The following REEP1 variants were observed in gnomAD, a reference collection of about 807,000 sequenced individuals.
The protein encoded by REEP1 is receptor accessory protein 1.
Under a neutral mutation model 40.3 loss-of-function variants are expected in REEP1, and 22 were observed. That is an observed-to-expected ratio of 0.55 (90% confidence interval 0.39 to 0.78). REEP1 has a LOEUF of 0.78. REEP1 is among the 30% of genes least tolerant of loss of function. REEP1 has a pLI of 0.00. For synonymous variants in REEP1, 116 were observed against 139.2 expected, an observed-to-expected ratio of 0.83 and a Z score of 1.17; for missense variants, 280 against 361.1, an observed-to-expected ratio of 0.78 and a Z score of 1.82.
intron 1 of REEP1, among the ~76,000 whole-genome samples, chr2:86,329,818 A>T (rs769012732): frequency 6.6e-6 from 1 of 152,182 alleles, no homozygotes; most frequent in Non-Finnish European, 1.5e-5. Flanking sequence ...CCTACTGCAT[A>T]TGAGAAACTA....
chr2:86,269,467 C>T (rs988885053), intron 2 of REEP1, among the ~76,000 whole-genome samples: 5 of 152,138 alleles, frequency 3.3e-5, no homozygotes, highest in Admixed American at 6.6e-5. Context: ...TATTTTACTT[C>T]GGTTTGACAA....
intron 4 of REEP1, among the ~76,000 whole-genome samples, chr2:86,252,566 A>T (rs1377679014): frequency 6.6e-6 from 1 of 152,266 alleles, no homozygotes. Context: ...TGAGGATTAA[A>T]TGAGGTAATT....
intron 5 of REEP1, among the ~76,000 whole-genome samples, chr2:86,233,728 G>A (rs571628776): frequency 2.0e-5 from 3 of 152,150 alleles, no homozygotes; most frequent in Non-Finnish European, 2.9e-5. Flanking sequence ...TTTGGAGCAA[G>A]AAGTGACAGG....
Position 86,254,818 on chromosome 2 carries a change from G to A in REEP1, c.183-4C>T. ...TAGTTCATAATAGAATGGAAACCTGGAGAGAGAGATGAAAACACAAGTTCT... is the reference window on the plus strand; with the variant it reads ...TAGTTCATAATAGAATGGAAACCTGAAGAGAGAGATGAAAACACAAGTTCT... On this transcript the variant is annotated splice_region_variant and splice_polypyrimidine_tract_variant and intron_variant, in intron 3 of 8. Coordinates refer to ENST00000538924, the MANE Select transcript of REEP1 (RefSeq NM_001371279.1). The A allele has an allele frequency of 1.9e-6, 3 of 1,613,750 alleles. No homozygotes were observed. The highest frequency in any genetic ancestry group is 2.5e-6 in the Non-Finnish European group (3 of 1,179,844).
At chr2:86,220,935 T>C (rs377612349) in intron 7 of REEP1, among the ~76,000 whole-genome samples, 1 of 152,226 alleles carries the variant, frequency 6.6e-6, no homozygotes, top group Non-Finnish European at 1.5e-5. Context: ...CGGTTCTTAG[T>C]TGAGATGTAA....
chr2:86,216,815 AC>A lies in REEP1; in HGVS notation c.*223del. The A allele has an allele frequency of 1.9e-6, 1 of 521,574 alleles. No homozygotes were observed. The highest frequency in any genetic ancestry group is 3.5e-6 in the Non-Finnish European group (1 of 288,986). The allele number at this position is 521,574 out of a possible 1,614,324, so 32.3% of individuals were successfully genotyped here. ...AACCTCAGAAGACTTAAAGGTCACC[AC>A]CCCCGCCCCTACTACCTTTCCCTTT... On this transcript the variant is annotated 3_prime_UTR_variant, in exon 9 of 9. Coordinates refer to ENST00000538924, the MANE Select transcript of REEP1 (RefSeq NM_001371279.1).
At chr2:86,221,729 C>A (rs1257412680) in intron 7 of REEP1, among the ~76,000 whole-genome samples, 1 of 152,196 alleles carries the variant, frequency 6.6e-6, no homozygotes, top group Non-Finnish European at 1.5e-5. Flanking sequence ...GCTGGGCACA[C>A]AGTGGCCACT....
intron 1 of REEP1, among the ~76,000 whole-genome samples, chr2:86,327,170 A>G (rs150309469): frequency 3.6e-4 from 54 of 151,968 alleles, no homozygotes; most frequent in African/African-American, 1.3e-3. Context: ...TCAACACTTT[A>G]TTTTTTACTT....
intron 1 of REEP1, among the ~76,000 whole-genome samples, chr2:86,330,663 C>A (rs567486243): frequency 2.0e-5 from 3 of 151,996 alleles, no homozygotes; most frequent in Admixed American, 6.6e-5. Flanking sequence ...CCAGGCTGGT[C>A]TCAAATTCCT....
At chr2:86,249,453 A>G (rs1676151379) in intron 5 of REEP1, among the ~76,000 whole-genome samples, 1 of 152,080 alleles carries the variant, frequency 6.6e-6, no homozygotes. Context: ...ACTGAAATTA[A>G]CTGCTTTAAC....
At chr2:86,253,585 G>C (rs897873262) in intron 4 of REEP1, among the ~76,000 whole-genome samples, 1 of 152,156 alleles carries the variant, frequency 6.6e-6, no homozygotes, top group Admixed American at 6.5e-5. Context: ...CAGCTTCAGG[G>C]GAAGCCCAGC....
intron 7 of REEP1, among the ~76,000 whole-genome samples, chr2:86,224,094 C>T (rs1260826190): frequency 6.6e-6 from 1 of 152,176 alleles, no homozygotes; most frequent in Non-Finnish European, 1.5e-5. Context: ...AGCTCTGTCA[C>T]TGCCCTAAAA....
chr2:86,303,816 T>A (rs1679364688), intron 1 of REEP1, among the ~76,000 whole-genome samples: 1 of 151,916 alleles, frequency 6.6e-6, no homozygotes, highest in Non-Finnish European at 1.5e-5. Flanking sequence ...CCCAGAAACA[T>A]GAGAGAGCAT....
Position 86,254,732 on chromosome 2 carries a change from T to C in REEP1, c.265A>G (p.Arg89Gly). ...GATAGCGTGGGATGTACAAACTTCC[T>C]GTACAGGAGGCTGGAGCCTTTTGTG... ...PYTKGSSLLY[R>G]KFVHPTLSSK... The change falls in exon 4 of 9, where the codon AGG (arginine) becomes GGG (glycine). Residue 89 changes from arginine (R) to glycine (G), a missense_variant. Arg to Gly is a moderately radical substitution (Grantham distance 125, BLOSUM62 -2). Transcript: ENST00000538924. The C allele has an allele frequency of 2.5e-6, 4 of 1,614,044 alleles. No individual in the cohort carries two copies. Among genetic ancestry groups the C allele is most frequent in the Non-Finnish European group, 3.4e-6 (4 of 1,179,848 alleles).
intron 5 of REEP1, chr2:86,239,979 C>T (rs138876356): frequency 2.2e-4 from 34 of 152,594 alleles, no homozygotes; most frequent in African/African-American, 7.5e-4. Flanking sequence ...CGCTGCCCAA[C>T]TGGATCAGTT....
chr2:86,271,648 A>C (rs1344632153), intron 2 of REEP1, among the ~76,000 whole-genome samples: 1 of 152,210 alleles, frequency 6.6e-6, no homozygotes, highest in Non-Finnish European at 1.5e-5. Flanking sequence ...TATCAGAAAA[A>C]CAAGGTAGGT....
chr2:86,251,015 C>T (rs1285882684), intron 5 of REEP1, among the ~76,000 whole-genome samples: 1 of 152,118 alleles, frequency 6.6e-6, no homozygotes, highest in African/African-American at 2.4e-5. Flanking sequence ...CCTCACATCA[C>T]CACAAGGGAC....
chr2:86,303,196 C>T (rs1209499200), intron 1 of REEP1, among the ~76,000 whole-genome samples: 5 of 149,788 alleles, frequency 3.3e-5, no homozygotes, highest in Admixed American at 1.3e-4. Context: ...GAGTACACCA[C>T]GATGCCCGGC....
intron 1 of REEP1, among the ~76,000 whole-genome samples, chr2:86,323,804 A>G (rs1476281634): frequency 2.6e-5 from 4 of 152,212 alleles, no homozygotes; most frequent in Non-Finnish European, 4.4e-5. Flanking sequence ...GCACTGTGGC[A>G]GGCAGACGAA....
Sources: gnomAD v4.1 joint callset for allele counts (sites outside exome capture counted in the v4.1 genomes callset) on GRCh38, gnomAD v4.1.1 for gene constraint, MANE v1.5 for transcripts, NCBI Gene and HGNC (gene_info 2026-07-23, HGNC 2026-07-21) for gene names.